SNRPN: variants seen among roughly 807,000 people sequenced by gnomAD.
SNRPN encodes small nuclear ribonucleoprotein-associated protein N.
SNRPN carries 7 observed loss-of-function variants against 25.2 expected under a neutral mutation model. That is an observed-to-expected ratio of 0.28 (90% CI 0.16 to 0.52). The LOEUF is 0.52. Ranked by LOEUF, SNRPN falls within the 20% of genes least tolerant of loss-of-function variation. SNRPN has a pLI of 0.96. For synonymous variants in SNRPN, 124 were observed against 110.6 expected, an observed-to-expected ratio of 1.12 and a Z score of -0.76; for missense variants, 196 against 322.5, an observed-to-expected ratio of 0.61 and a Z score of 3.00.
At chr15:24,943,569 C>T (rs929045913) in intron 3 of SNRPN, among the ~76,000 whole-genome samples, 1 of 152,104 alleles carries the variant, frequency 6.6e-6, no homozygotes, top group Non-Finnish European at 1.5e-5. Flanking sequence ...AGATAACACC[C>T]AGTTCATGAA....
At chr15:24,862,046 G>C (rs2147423504) in intron 1 of SNRPN, among the ~76,000 whole-genome samples, 1 of 151,022 alleles carries the variant, frequency 6.6e-6, no homozygotes, top group South Asian at 2.1e-4. Flanking sequence ...TGTAAGTGTT[G>C]CTGCAGGCGA....
upstream of SNRPN, chr15:24,851,788 AGAG>A (rs2052870075): frequency 6.6e-6 from 1 of 152,176 alleles, no homozygotes. Context: ...GGGAGAGTGA[AGAG>A]GAACAGAGAG....
At chr15:24,905,405 A>G (rs1025950076) in intron 2 of SNRPN, among the ~76,000 whole-genome samples, 2 of 150,304 alleles carry the variant, frequency 1.3e-5, no homozygotes, top group African/African-American at 4.9e-5. Context: ...GCAGCTCAGG[A>G]GGCTGAGGCA....
chr15:24,945,073 A>G (rs1273055569), intron 3 of SNRPN, among the ~76,000 whole-genome samples: 1 of 152,138 alleles, frequency 6.6e-6, no homozygotes, highest in Non-Finnish European at 1.5e-5. Flanking sequence ...TCTGGGTACC[A>G]TGGCCTAGCC....
intron 2 of SNRPN, among the ~76,000 whole-genome samples, chr15:24,887,521 G>T (rs920058196): frequency 6.6e-6 from 1 of 151,874 alleles, no homozygotes; most frequent in Non-Finnish European, 1.5e-5. Context: ...TAATAGGTTT[G>T]GGTTGGGTGT....
At chr15:24,962,588 GTGTT>G (rs1338394753) in intron 2 of SNRPN, among the ~76,000 whole-genome samples, 3 of 152,004 alleles carry the variant, frequency 2.0e-5, no homozygotes, top group African/African-American at 4.8e-5. Context: ...TGATATTTAG[GTGTT>G]TGTTTTTGGT....
intron 1 of SNRPN, among the ~76,000 whole-genome samples, chr15:24,884,148 CAAA>C (rs61039873): frequency 3.8e-5 from 4 of 104,870 alleles, no homozygotes; most frequent in Admixed American, 3.4e-4. Context: ...CCTGCCTCTA[CAAA>C]AAAAAAAAAA....
At chr15:24,841,034 T>C (rs1215663159) in intron 2 of SNRPN, among the ~76,000 whole-genome samples, 1 of 152,020 alleles carries the variant, frequency 6.6e-6, no homozygotes, top group Non-Finnish European at 1.5e-5. Context: ...AGAGACGGGG[T>C]TTCACCATGT....
Position 24,848,958 on chromosome 15 carries a change from G to T in SNRPN, c.-579+19053G>T, listed in dbSNP as rs896003810. 4 of 151,968 alleles carry T rather than the reference G, an allele frequency of 2.6e-5. No homozygotes were observed. In the South Asian group the frequency reaches 8.3e-4, roughly 32 times the overall value. The allele number at this position is 151,968 out of a possible 1,614,324, so 9.4% of individuals were successfully genotyped here. ...AGTCTCGCTCTGTCACCAGGCTGGAGTGCAGTGGTGCGGTCTCGGCTCACT... is the reference window on the plus strand; with the variant it reads ...AGTCTCGCTCTGTCACCAGGCTGGATTGCAGTGGTGCGGTCTCGGCTCACT... On this transcript the variant is annotated intron_variant, in intron 2 of 12. Transcript: ENST00000400100.
Position 24,832,271 on chromosome 15 carries a change from T to C in SNRPN, c.-579+2366T>C, listed in dbSNP as rs180750548. Among the ~76,000 whole-genome samples, 457 of 149,248 alleles carry C rather than the reference T, an allele frequency of 3.1e-3. 1 individual carries two copies. The highest frequency in any genetic ancestry group is 4.8e-3 in the Non-Finnish European group (323 of 66,692). On this transcript the variant is annotated intron_variant, in intron 2 of 12. Coordinates refer to the SNRPN transcript ENST00000400100. ...TTCATATTTATACAGATTTCCAATA[T>C]ACAAGATATAACGGGGACTTGTTTT...
intron 2 of SNRPN, chr15:24,829,958 G>A (rs11855991): frequency 0.16 from 24,470 of 152,160 alleles, 2,133 homozygotes; most frequent in Non-Finnish European, 0.18. Flanking sequence ...CACGGGCAAG[G>A]CAGGCAGGGG....
In SNRPN at chr15:24,866,502, A is replaced by C. The variant is rs77937769; in HGVS notation, c.-579+9786A>C. ...AGTGTAGACCTCCTGAGCTCAAGCAATCCTCCTGCCTCAGCTTCCTGAGTA... is the reference window on the plus strand; with the variant it reads ...AGTGTAGACCTCCTGAGCTCAAGCACTCCTCCTGCCTCAGCTTCCTGAGTA... On this transcript the variant is annotated intron_variant, in intron 1 of 11. Transcript: ENST00000400097. Among the ~76,000 whole-genome samples, 501 of 151,994 alleles carry C rather than the reference A, an allele frequency of 3.3e-3. 2 individuals are homozygous for C. Among genetic ancestry groups the C allele is most frequent in the African/African-American group, 0.011 (475 of 41,428 alleles).
intron 2 of SNRPN, among the ~76,000 whole-genome samples, chr15:24,834,325 G>C (rs1422905845): frequency 1.3e-5 from 2 of 152,068 alleles, no homozygotes; most frequent in Non-Finnish European, 2.9e-5. Context: ...TGGGAGACAA[G>C]ATTAGAGAGA....
At position 24,934,745 on chromosome 15, in the gene SNRPN, C is replaced by T. The variant is rs55954806; in HGVS notation, c.-391+14621C>T. On this transcript the variant is annotated intron_variant, in intron 3 of 11. Coordinates refer to the SNRPN transcript ENST00000400097. ...TAATCTTTTGTATTTTTGGTAGAGA[C>T]GGGGTTTCACCATATTTCCCAGGCT... 8.4e-4 allele frequency among the ~76,000 whole-genome samples: 128 copies of T among 152,166 alleles called. 4 individuals are homozygous for T. The South Asian group carries it at 0.021, about 24-fold the overall frequency.
chr15:24,867,625 C>T lies in SNRPN; in HGVS notation c.-579+10909C>T, dbSNP rs543990686. Among the ~76,000 whole-genome samples the T allele has an allele frequency of 8.5e-5, 13 of 152,272 alleles. No individual in the cohort carries two copies. The South Asian group carries it at 2.5e-3, about 29-fold the overall frequency. On this transcript the variant is annotated intron_variant, in intron 1 of 11. Transcript: ENST00000400097. The stretch of plus-strand genomic sequence containing the variant: ...TCCTGACCTCATGATCCACCCGCCT[C>T]GGCCTCCCAAAGTGCTGGGATTACA...
chr15:24,841,124 C>T (rs772231633), intron 2 of SNRPN, among the ~76,000 whole-genome samples: 1 of 152,160 alleles, frequency 6.6e-6, no homozygotes, highest in Non-Finnish European at 1.5e-5. Flanking sequence ...CAGGCATGAG[C>T]CCCCACGGCC....
chr15:24,898,449 A>G (rs910047334), intron 2 of SNRPN, among the ~76,000 whole-genome samples: 8 of 152,030 alleles, frequency 5.3e-5, no homozygotes, highest in African/African-American at 1.7e-4. Flanking sequence ...TTAGCTGGGC[A>G]TGGTGGCGGG....
chr15:24,886,427 G>A (rs1018149425), intron 1 of SNRPN: 2 of 152,130 alleles, frequency 1.3e-5, no homozygotes, highest in African/African-American at 2.4e-5. Context: ...CCATTACGGC[G>A]GTCCCTAAAT....
intron 2 of SNRPN, chr15:24,909,051 TG>T: frequency 7.0e-7 from 1 of 1,421,460 alleles, no homozygotes; most frequent in South Asian, 1.2e-5. Flanking sequence ...ACTTCTTTCT[TG>T]GGCTTATTTT....
Sources: gnomAD v4.1 joint callset for allele counts (sites outside exome capture counted in the v4.1 genomes callset) on GRCh38, gnomAD v4.1.1 for gene constraint, MANE v1.5 for transcripts, NCBI Gene and HGNC (gene_info 2026-07-23, HGNC 2026-07-21) for gene names.